NBEA: variants seen among roughly 807,000 people sequenced by gnomAD.
The protein encoded by NBEA is lysosomal-trafficking regulator 2.
In NBEA, 44 loss-of-function variants were observed where a neutral mutation model predicts 343.4. That is an observed-to-expected ratio of 0.13 (90% CI 0.10 to 0.16). The LOEUF (loss-of-function observed/expected upper bound fraction) is 0.16, where lower values mean the gene tolerates loss of function less well. Among genes scored for constraint, NBEA ranks in the 10% least tolerant of loss-of-function variants. The pLI, the probability that NBEA is intolerant of heterozygous loss-of-function variation, is 1.00. For synonymous variants in NBEA, 1,175 were observed against 1,238.7 expected, an observed-to-expected ratio of 0.95 and a Z score of 1.08; for missense variants, 2,555 against 3,631.3, an observed-to-expected ratio of 0.70 and a Z score of 7.62.
At chr13:35,078,892 C>T (rs1326895307) in intron 10 of NBEA, among the ~76,000 whole-genome samples, 1 of 151,900 alleles carries the variant, frequency 6.6e-6, no homozygotes, top group African/African-American at 2.4e-5. Context: ...TGTGGTGGCA[C>T]GTGCCTGTAG....
At chr13:35,616,859 C>T (rs2082760390) in intron 48 of NBEA, among the ~76,000 whole-genome samples, 1 of 152,180 alleles carries the variant, frequency 6.6e-6, no homozygotes, top group Admixed American at 6.6e-5. Context: ...GTCTTTTTAA[C>T]ATCTAAAGTG....
intron 31 of NBEA, among the ~76,000 whole-genome samples, chr13:35,201,752 T>G (rs542578291): frequency 6.6e-6 from 1 of 152,100 alleles, no homozygotes; most frequent in South Asian, 2.1e-4. Flanking sequence ...TTATTATTAG[T>G]CCCCCAAAGC....
At chr13:35,010,921 A>G (rs2061476418) in intron 1 of NBEA, among the ~76,000 whole-genome samples, 1 of 151,362 alleles carries the variant, frequency 6.6e-6, no homozygotes, top group African/African-American at 2.4e-5. Context: ...CTTTAAAAAA[A>G]GGGCTAGTAG....
chr13:35,430,486 T>C (rs1475051881), intron 38 of NBEA, among the ~76,000 whole-genome samples: 1 of 152,188 alleles, frequency 6.6e-6, no homozygotes, highest in African/African-American at 2.4e-5. Flanking sequence ...TTGTTGCACT[T>C]ACTTCTGGGT....
chr13:35,556,861 T>C (rs1489792819), intron 44 of NBEA, among the ~76,000 whole-genome samples: 1 of 152,142 alleles, frequency 6.6e-6, no homozygotes, highest in African/African-American at 2.4e-5. Context: ...TGAAATTATG[T>C]GTTCATGCAG....
At chr13:35,552,468 A>C (rs1187520669) in intron 43 of NBEA, among the ~76,000 whole-genome samples, 1 of 152,250 alleles carries the variant, frequency 6.6e-6, no homozygotes, top group Non-Finnish European at 1.5e-5. Flanking sequence ...TACAGGTCAA[A>C]GAAAAATGCA....
chr13:35,084,288 ACAC>A (rs1179010940), intron 10 of NBEA, among the ~76,000 whole-genome samples: 1 of 152,160 alleles, frequency 6.6e-6, no homozygotes, highest in East Asian at 1.9e-4. Flanking sequence ...TTTCAGCACC[ACAC>A]CACACCTATT....
intron 49 of NBEA, among the ~76,000 whole-genome samples, chr13:35,635,894 C>CT (rs2083672212): frequency 2.0e-5 from 3 of 152,226 alleles, no homozygotes; most frequent in Admixed American, 2.0e-4. Flanking sequence ...AATAATGCAG[C>CT]TAGTCAAAGT....
intron 34 of NBEA, among the ~76,000 whole-genome samples, chr13:35,273,176 A>C (rs1411499190): frequency 6.6e-6 from 1 of 152,210 alleles, no homozygotes; most frequent in African/African-American, 2.4e-5. Context: ...GTGCAATCAA[A>C]TTAGAATTCA....
At chr13:35,166,579 T>G (rs574643633) in intron 24 of NBEA, among the ~76,000 whole-genome samples, 1 of 152,196 alleles carries the variant, frequency 6.6e-6, no homozygotes, top group Admixed American at 6.6e-5. Flanking sequence ...TGTTTGGACC[T>G]ATGCCTGGTT....
intron 38 of NBEA, among the ~76,000 whole-genome samples, chr13:35,403,757 G>T (rs1451995427): frequency 6.6e-6 from 1 of 151,828 alleles, no homozygotes; most frequent in African/African-American, 2.4e-5. Context: ...TGACAAATGG[G>T]ATCTAATTAA....
chr13:35,540,644 A>C (rs1258293388), intron 41 of NBEA, among the ~76,000 whole-genome samples: 1 of 152,192 alleles, frequency 6.6e-6, no homozygotes, highest in African/African-American at 2.4e-5. Context: ...GCTGCAACTC[A>C]GTTTGTTTGT....
chr13:35,432,014 A>G (rs1234323879), intron 38 of NBEA, among the ~76,000 whole-genome samples: 1 of 152,122 alleles, frequency 6.6e-6, no homozygotes, highest in African/African-American at 2.4e-5. Context: ...AAAGTTTTAA[A>G]AAATAAAAAG....
chr13:35,401,767 T>C (rs2043012210), intron 38 of NBEA, among the ~76,000 whole-genome samples: 1 of 152,006 alleles, frequency 6.6e-6, no homozygotes, highest in South Asian at 2.1e-4. Context: ...TTATGTTCAT[T>C]ATTTATATTT....
At chr13:35,535,473 C>G (rs540142593) in intron 41 of NBEA, among the ~76,000 whole-genome samples, 1 of 152,208 alleles carries the variant, frequency 6.6e-6, no homozygotes, top group African/African-American at 2.4e-5. Context: ...GAATAAAGTA[C>G]ACTGAAAAGG....
intron 17 of NBEA, 80 bp downstream of exon 17, chr13:35,123,654 A>G: frequency 2.4e-6 from 2 of 844,774 alleles, no homozygotes; most frequent in Non-Finnish European, 3.3e-6. Flanking sequence ...GTAATGTAGC[A>G]TGAAATTTGA....
Position 34,943,439 on chromosome 13 carries a change from G to A in NBEA, c.294+325G>A, listed in dbSNP as rs562403403. 3.3e-5 allele frequency among the ~76,000 whole-genome samples: 5 copies of A among 152,096 alleles called. No homozygotes were observed. In the South Asian group the frequency reaches 1.0e-3, roughly 32 times the overall value. ...GTCGACTTTAGAGTTTAGTTAGGAG[G>A]TGAGGAGGCCTCCTGTTCTCTGGGG... On this transcript the variant is annotated intron_variant, in intron 1 of 58. Coordinates refer to ENST00000379939, the MANE Select transcript of NBEA (RefSeq NM_001385012.1).
At chr13:35,091,019 A>C (rs1410694907) in intron 10 of NBEA, among the ~76,000 whole-genome samples, 1 of 151,930 alleles carries the variant, frequency 6.6e-6, no homozygotes, top group Non-Finnish European at 1.5e-5. Context: ...CTCTGGGAGA[A>C]ATCCTCTAGT....
Position 35,159,292 on chromosome 13 carries a change from T to G in NBEA, c.3121T>G (p.Ser1041Ala). ...TKVSDDILGN[S>A]DRPGSGVHVE... ...AGTGTCAGATGATATTCTTGGAAAT[T>G]CAGATAGACCAGGAAGTGGTGTACA... The change falls in exon 22 of 59, where the codon TCA (serine) becomes GCA (alanine). Residue 1041 changes from serine (S) to alanine (A), a missense_variant. Physicochemically the swap from Ser to Ala is moderately conservative, Grantham distance 99. Transcript: ENST00000379939. 1 of 1,613,584 alleles carries G rather than the reference T, an allele frequency of 6.2e-7. No individual in the cohort carries two copies.
Sources: allele counts gnomAD v4.1 joint callset (sites outside exome capture counted in the v4.1 genomes callset), GRCh38; gene constraint gnomAD v4.1.1; transcripts MANE v1.5; gene names NCBI Gene and HGNC (gene_info 2026-07-23, HGNC 2026-07-21).